The following SIK3 variants were observed in gnomAD, a reference collection of about 807,000 sequenced individuals.
SIK3 encodes the protein serine/threonine-protein kinase SIK3.
In SIK3, 28 loss-of-function variants were observed where a neutral mutation model predicts 144.2. The observed-to-expected ratio is 0.19, with a 90% CI of 0.14 to 0.27. SIK3 has a LOEUF of 0.27. Ranked by LOEUF, SIK3 falls within the 10% of genes least tolerant of loss-of-function variation. The probability of loss-of-function intolerance (pLI) is 1.00; values close to 1 mark genes in which losing one functional copy is unlikely to be tolerated. For synonymous variants in SIK3, 686 were observed against 676.3 expected, an observed-to-expected ratio of 1.01 and a Z score of -0.22; for missense variants, 1,319 against 1,776.0, an observed-to-expected ratio of 0.74 and a Z score of 4.62.
At chr11:116,906,945 G>A (rs1946072763) in intron 4 of SIK3, among the ~76,000 whole-genome samples, 4 of 152,136 alleles carry the variant, frequency 2.6e-5, no homozygotes, top group Admixed American at 2.6e-4. Flanking sequence ...CGAACGTCGT[G>A]GCCATGCAGG....
intron 4 of SIK3, among the ~76,000 whole-genome samples, chr11:116,915,100 A>G (rs144628230): frequency 1.1e-4 from 16 of 148,274 alleles, no homozygotes; most frequent in African/African-American, 4.0e-4. Flanking sequence ...AAATTGATAT[A>G]TCATGTTTAG....
At chr11:117,091,787 T>C (rs1010621168) in intron 1 of SIK3, among the ~76,000 whole-genome samples, 2 of 152,164 alleles carry the variant, frequency 1.3e-5, no homozygotes, top group South Asian at 4.1e-4. Context: ...GTTTTTCTTT[T>C]GGTTTGTTTT....
At chr11:116,872,511 A>C (rs1359715826) in intron 13 of SIK3, among the ~76,000 whole-genome samples, 2 of 152,216 alleles carry the variant, frequency 1.3e-5, no homozygotes, top group African/African-American at 4.8e-5. Flanking sequence ...TTCATTACTG[A>C]AAGTGTGGCC....
chr11:117,069,184 T>TG (rs34598824), intron 1 of SIK3, among the ~76,000 whole-genome samples: 1,443 of 82,900 alleles, frequency 0.017, 9 homozygotes, highest in South Asian at 0.056. Flanking sequence ...GATTTTTTTT[T>TG]GGGGGGGGGG....
At chr11:116,961,463 T>A (rs1225421295) in intron 1 of SIK3, among the ~76,000 whole-genome samples, 2 of 152,202 alleles carry the variant, frequency 1.3e-5, no homozygotes, top group Non-Finnish European at 2.9e-5. Context: ...TACAGATTAC[T>A]GAAGACTATA....
intron 1 of SIK3, among the ~76,000 whole-genome samples, chr11:116,980,903 A>G (rs1048800573): frequency 6.6e-6 from 1 of 152,236 alleles, no homozygotes; most frequent in East Asian, 1.9e-4. Context: ...CATCATCATA[A>G]GTCTGGGGGC....
chr11:116,994,043 T>C (rs1211272354), intron 1 of SIK3, among the ~76,000 whole-genome samples: 2 of 152,198 alleles, frequency 1.3e-5, no homozygotes, highest in Non-Finnish European at 2.9e-5. Context: ...CAAGTATAAA[T>C]ATAAAAAACC....
intron 14 of SIK3, chr11:116,870,040 A>G (rs1943882193): frequency 8.3e-7 from 1 of 1,205,632 alleles, no homozygotes. Flanking sequence ...GAATACTATC[A>G]GAGTTGCAAT....
chr11:116,920,392 C>T (rs1946896987), intron 4 of SIK3, among the ~76,000 whole-genome samples: 1 of 152,150 alleles, frequency 6.6e-6, no homozygotes, highest in Non-Finnish European at 1.5e-5. Flanking sequence ...CAGGCCTTTG[C>T]ATTGTTCTTC....
chr11:116,895,976 A>G (rs1945378416), intron 6 of SIK3, among the ~76,000 whole-genome samples: 1 of 152,230 alleles, frequency 6.6e-6, no homozygotes, highest in East Asian at 1.9e-4. Context: ...TTACAGTAAT[A>G]GCAGCCCTCA....
At chr11:116,992,690 G>A (rs764773138) in intron 1 of SIK3, among the ~76,000 whole-genome samples, 7 of 152,158 alleles carry the variant, frequency 4.6e-5, no homozygotes, top group African/African-American at 1.4e-4. Flanking sequence ...AATTCAAAAA[G>A]TTATCACTAG....
chr11:116,856,703 T>C (rs556107839), intron 21 of SIK3, among the ~76,000 whole-genome samples: 1 of 152,304 alleles, frequency 6.6e-6, no homozygotes, highest in East Asian at 1.9e-4. Context: ...CAGGCAACAA[T>C]TCCCCCCTAA....
At chr11:117,036,772 A>AAAT (rs1445586401) in intron 1 of SIK3, among the ~76,000 whole-genome samples, 1 of 152,224 alleles carries the variant, frequency 6.6e-6, no homozygotes, top group Non-Finnish European at 1.5e-5. Flanking sequence ...GAAAAACATG[A>AAAT]AATAACTCAG....
chr11:116,909,184 T>A (rs1156922282), intron 4 of SIK3, among the ~76,000 whole-genome samples: 1 of 152,198 alleles, frequency 6.6e-6, no homozygotes, highest in Non-Finnish European at 1.5e-5. Context: ...ATGATTCTAT[T>A]CATGTATCAT....
intron 1 of SIK3, among the ~76,000 whole-genome samples, chr11:117,096,726 C>A (rs1955490856): frequency 1.3e-5 from 2 of 152,076 alleles, no homozygotes; most frequent in African/African-American, 4.8e-5. Context: ...TAAGAAGGGC[C>A]CCTTGTAGCC....
At chr11:117,078,689 C>A (rs148961604) in intron 1 of SIK3, among the ~76,000 whole-genome samples, 6,859 of 152,060 alleles carry the variant, frequency 0.045, 516 homozygotes, top group African/African-American at 0.16. Flanking sequence ...AGGCGTGAGC[C>A]ACCACACCCG....
At chr11:116,857,275 AC>A (rs1381835136) in intron 21 of SIK3, 1 of 155,770 alleles carries the variant, frequency 6.4e-6, no homozygotes, top group Non-Finnish European at 1.4e-5. Context: ...TTATGTAGAA[AC>A]AAACACATAT....
At chr11:116,958,223 C>A (rs878692) in intron 1 of SIK3, among the ~76,000 whole-genome samples, 11,066 of 152,152 alleles carry the variant, frequency 0.073, 490 homozygotes, top group Middle Eastern at 0.11. Context: ...AACAAAATTA[C>A]AAAAGTAAAA....
At chr11:116,952,113 C>G (rs563028087) in intron 3 of SIK3, among the ~76,000 whole-genome samples, 1 of 151,882 alleles carries the variant, frequency 6.6e-6, no homozygotes, top group African/African-American at 2.4e-5. Context: ...CAATAAATGT[C>G]GTTCTATGAA....
Sources: allele counts gnomAD v4.1 joint callset (sites outside exome capture counted in the v4.1 genomes callset), GRCh38; gene constraint gnomAD v4.1.1; transcripts MANE v1.5; gene names NCBI Gene and HGNC (gene_info 2026-07-23, HGNC 2026-07-21).